Variants in FOXN3 observed in about 807,000 individuals in gnomAD.
FOXN3 encodes the protein forkhead box N3.
A neutral mutation model predicts 38.4 loss-of-function variants in FOXN3; 7 were observed. That is an observed-to-expected ratio of 0.18 (90% confidence interval 0.10 to 0.34). The LOEUF (loss-of-function observed/expected upper bound fraction) is 0.34. Among genes scored for constraint, FOXN3 ranks in the 10% least tolerant of loss-of-function variants. FOXN3 has a pLI of 1.00. For synonymous variants in FOXN3, 230 were observed against 242.2 expected (o/e 0.95, Z 0.47); for missense variants, 456 against 613.4 (o/e 0.74, Z 2.71).
intron 3 of FOXN3, among the ~76,000 whole-genome samples, chr14:89,333,839 C>T (rs545037610): frequency 8.1e-5 from 12 of 148,816 alleles, no homozygotes; most frequent in Admixed American, 4.0e-4. Flanking sequence ...AATAAAGTCA[C>T]TATTTCAAAG....
chr14:89,229,705 C>A (rs1884749746), intron 4 of FOXN3, among the ~76,000 whole-genome samples: 1 of 152,200 alleles, frequency 6.6e-6, no homozygotes, highest in Non-Finnish European at 1.5e-5. Context: ...AGTCCGTGTG[C>A]AGTGCTGGGT....
At chr14:89,213,736 T>C (rs1884175302) in intron 4 of FOXN3, among the ~76,000 whole-genome samples, 1 of 152,194 alleles carries the variant, frequency 6.6e-6, no homozygotes, top group African/African-American at 2.4e-5. Context: ...AATAAGGCCC[T>C]TTCCCATTTG....
At chr14:89,610,746 C>T (rs182642910) in intron 1 of FOXN3, among the ~76,000 whole-genome samples, 4 of 152,252 alleles carry the variant, frequency 2.6e-5, no homozygotes, top group African/African-American at 9.6e-5. Context: ...TTTCTTCACC[C>T]TCGTATCCCT....
At chr14:89,366,563 T>A (rs1017321708) in intron 2 of FOXN3, among the ~76,000 whole-genome samples, 1 of 152,190 alleles carries the variant, frequency 6.6e-6, no homozygotes, top group African/African-American at 2.4e-5. Context: ...GGAAATAAAA[T>A]TCACCACTCA....
rs1234491643 is a variant in FOXN3, at chr14:89,221,886, G to A, written c.746-41080C>T. Among the ~76,000 whole-genome samples, 3 of 151,082 alleles carry A rather than the reference G, an allele frequency of 2.0e-5. No individual in the cohort carries two copies. The East Asian group carries it at 5.8e-4, about 29-fold the overall frequency. On this transcript the variant is annotated intron_variant, in intron 4 of 5. Transcript: ENST00000557258. ...TGCCCAGGCTGGAGTGCAGTGGCGC[G>A]ATCTCGGCTCACTGCAAGCTCCACC...
intron 1 of FOXN3, among the ~76,000 whole-genome samples, chr14:89,615,054 T>C (rs1412461409): frequency 6.6e-6 from 1 of 150,842 alleles, no homozygotes; most frequent in African/African-American, 2.4e-5. Context: ...CCTTTCAAAG[T>C]TAAAATTTGT....
chr14:89,171,709 T>C (rs1887393142), intron 5 of FOXN3, among the ~76,000 whole-genome samples: 1 of 152,134 alleles, frequency 6.6e-6, no homozygotes, highest in Non-Finnish European at 1.5e-5. Context: ...GATAAAAATA[T>C]CACAGCAAAG....
intron 3 of FOXN3, among the ~76,000 whole-genome samples, chr14:89,288,316 G>T (rs1296455366): frequency 1.3e-5 from 2 of 152,122 alleles, no homozygotes; most frequent in African/African-American, 4.8e-5. Flanking sequence ...GAATTGCTCT[G>T]TAAACTTAGC....
At chr14:89,565,093 C>CAAA (rs59821937) in intron 1 of FOXN3, among the ~76,000 whole-genome samples, 27 of 52,904 alleles carry the variant, frequency 5.1e-4, no homozygotes, top group African/African-American at 1.5e-3. Flanking sequence ...GAGCTCGTCT[C>CAAA]AAAAAAAAAA....
chr14:89,167,529 C>A (rs1421743078), intron 5 of FOXN3, among the ~76,000 whole-genome samples: 2 of 152,172 alleles, frequency 1.3e-5, no homozygotes, highest in South Asian at 4.1e-4. Flanking sequence ...AAGCAGGGGA[C>A]TGGAGCAAGT....
In FOXN3 at chr14:89,619,063, C is replaced by CG. The variant is rs1251821784; in HGVS notation, c.-51dup. 2.6e-5 allele frequency: 4 copies of CG among 152,498 alleles called. No individual in the cohort carries two copies. The East Asian group carries it at 7.7e-4, about 29-fold the overall frequency. 9.4% of individuals were successfully genotyped at this position (152,498 alleles called of 1,614,324 possible). A position where few individuals can be genotyped will look rare whatever the true frequency, so the allele number is the denominator to read the frequency against. On this transcript the variant is annotated 5_prime_UTR_variant, in exon 1 of 7. Transcript: ENST00000345097. ...CTGCCCCCCCGCTGCTTCTCGCGGC[C>CG]GCATTGGGGGGCTGCGGCGACGCTG... is the stretch of plus-strand genomic sequence containing the variant.
At chr14:89,441,888 A>G (rs1892391050) in intron 1 of FOXN3, among the ~76,000 whole-genome samples, 1 of 150,132 alleles carries the variant, frequency 6.7e-6, no homozygotes, top group South Asian at 2.1e-4. Flanking sequence ...CTCAGCACCA[A>G]TGCTGAGTTA....
intron 1 of FOXN3, among the ~76,000 whole-genome samples, chr14:89,568,219 C>A (rs536466815): frequency 6.6e-6 from 1 of 152,326 alleles, no homozygotes; most frequent in African/African-American, 2.4e-5. Context: ...TTCACCACTT[C>A]TGTACTTCAC....
intron 1 of FOXN3, among the ~76,000 whole-genome samples, chr14:89,454,006 A>G (rs1892671269): frequency 2.1e-5 from 1 of 48,524 alleles, no homozygotes; most frequent in African/African-American, 9.5e-5. Flanking sequence ...TGCCCTCTTA[A>G]GAAGAAGAAG....
At chr14:89,544,293 G>A (rs1474114975) in intron 1 of FOXN3, among the ~76,000 whole-genome samples, 13 of 150,894 alleles carry the variant, frequency 8.6e-5, no homozygotes, top group African/African-American at 2.7e-4. Context: ...CGCCCACCTC[G>A]GCCTCCCAAA....
At chr14:89,517,255 CG>C (rs1894224902) in intron 1 of FOXN3, among the ~76,000 whole-genome samples, 1 of 149,698 alleles carries the variant, frequency 6.7e-6, no homozygotes, top group Non-Finnish European at 1.5e-5. Context: ...CCCAGGTACT[CG>C]GGAGGCTGAG....
intron 4 of FOXN3, among the ~76,000 whole-genome samples, chr14:89,220,094 T>A (rs1884417568): frequency 6.6e-6 from 1 of 152,184 alleles, no homozygotes; most frequent in South Asian, 2.1e-4. Context: ...CACACCTTCC[T>A]CCTCCTTTCT....
At position 89,401,153 on chromosome 14, in the gene FOXN3, A is replaced by C. The variant is rs552527671; in HGVS notation, c.543+10781T>G. The stretch of plus-strand genomic sequence containing the variant: ...TACAGAGTCCAATTTTTACTTTGCA[A>C]ACTAGGGGCCAGACATAATGGCTCA... On this transcript the variant is annotated intron_variant, in intron 2 of 5. Transcript: ENST00000557258. 3.9e-5 allele frequency among the ~76,000 whole-genome samples: 6 copies of C among 152,336 alleles called. No homozygotes were observed. In the South Asian group the frequency reaches 1.2e-3, roughly 32 times the overall value.
intron 4 of FOXN3, among the ~76,000 whole-genome samples, chr14:89,210,768 C>T (rs1884065342): frequency 6.6e-6 from 1 of 152,220 alleles, no homozygotes; most frequent in African/African-American, 2.4e-5. Flanking sequence ...AACAGAGGTG[C>T]TATCGAGTCA....
Sources: allele counts gnomAD v4.1 joint callset (sites outside exome capture counted in the v4.1 genomes callset), GRCh38; gene constraint gnomAD v4.1.1; transcripts MANE v1.5; gene names NCBI Gene and HGNC (gene_info 2026-07-23, HGNC 2026-07-21).